SCARB1: variants seen among roughly 807,000 people sequenced by gnomAD.
SCARB1 encodes CD36 and LIMPII analogous 1.
Under a neutral mutation model 57.2 loss-of-function variants are expected in SCARB1, and 30 were observed. That is an observed-to-expected ratio of 0.52 (90% confidence interval 0.39 to 0.71). The LOEUF (loss-of-function observed/expected upper bound fraction) is 0.71. SCARB1 is among the 30% of genes least tolerant of loss of function. The pLI is 0.00. For missense variants in SCARB1, 543 were observed against 671.2 expected (o/e 0.81, Z 2.11); for synonymous variants, 249 against 268.3 (o/e 0.93, Z 0.70).
At chr12:124,859,417 G>A (rs563295242) in intron 1 of SCARB1, among the ~76,000 whole-genome samples, 1 of 152,216 alleles carries the variant, frequency 6.6e-6, no homozygotes, top group East Asian at 1.9e-4. Context: ...TGCAGTCCCA[G>A]CTCCTCAGGA....
chr12:124,778,646 T>TGGC, intron 12 of SCARB1, 60 bp from the exon 13 acceptor site: 3 of 1,337,798 alleles, frequency 2.2e-6, no homozygotes, highest in Non-Finnish European at 2.9e-6. Flanking sequence ...CCCACCCTCA[T>TGGC]CCCCGCCCAC....
intron 11 of SCARB1, chr12:124,786,044 T>C: frequency 6.6e-7 from 1 of 1,505,002 alleles, no homozygotes. Flanking sequence ...GAACCTGGCA[T>C]CCCCGGGTGC....
At chr12:124,859,707 C>T (rs1952805455) in intron 1 of SCARB1, among the ~76,000 whole-genome samples, 1 of 152,122 alleles carries the variant, frequency 6.6e-6, no homozygotes, top group African/African-American at 2.4e-5. Flanking sequence ...CGGTGGTTCA[C>T]ACCTATCATC....
intron 7 of SCARB1, among the ~76,000 whole-genome samples, chr12:124,804,676 C>T (rs771044862): frequency 1.3e-5 from 2 of 152,238 alleles, no homozygotes; most frequent in African/African-American, 2.4e-5. Context: ...GCCCCAGCTC[C>T]AAACCATTCA....
chr12:124,799,986 T>G (rs1023504206), intron 8 of SCARB1, 138 bp downstream of exon 8: 27 of 729,352 alleles, frequency 3.7e-5, no homozygotes, highest in Non-Finnish European at 6.2e-5. Flanking sequence ...GTAAGGAACT[T>G]TGGTGGCTCG....
chr12:124,849,891 CT>C (rs1197820755), intron 1 of SCARB1, among the ~76,000 whole-genome samples: 20,883 of 112,934 alleles, frequency 0.18, 2,860 homozygotes, highest in Non-Finnish European at 0.21. Flanking sequence ...AGCAAGACCC[CT>C]GTCTCTACAA....
intron 1 of SCARB1, among the ~76,000 whole-genome samples, chr12:124,841,423 A>C (rs1951905933): frequency 6.7e-6 from 1 of 150,336 alleles, no homozygotes; most frequent in South Asian, 2.1e-4. Flanking sequence ...CGGAGGTTGC[A>C]GTGAGCTGAT....
At chr12:124,795,507 C>T (rs1949913960) in intron 8 of SCARB1, among the ~76,000 whole-genome samples, 1 of 152,168 alleles carries the variant, frequency 6.6e-6, no homozygotes, top group Non-Finnish European at 1.5e-5. Context: ...GAAACAAGTG[C>T]TTCCCACACA....
At chr12:124,786,266 C>G (rs779527795) in intron 11 of SCARB1, 91 bp downstream of exon 11, 1 of 1,600,820 alleles carries the variant, frequency 6.2e-7, no homozygotes, top group South Asian at 1.1e-5. Flanking sequence ...CTCCAGGCTG[C>G]GGTTGGCCAG....
chr12:124,826,595 C>T (rs1288143023), intron 1 of SCARB1, among the ~76,000 whole-genome samples: 1 of 152,074 alleles, frequency 6.6e-6, no homozygotes, highest in Non-Finnish European at 1.5e-5. Flanking sequence ...AAGGCACATA[C>T]CACCACGCCC....
chr12:124,860,246 T>A (rs565435039), intron 1 of SCARB1, among the ~76,000 whole-genome samples: 1 of 152,330 alleles, frequency 6.6e-6, no homozygotes, highest in South Asian at 2.1e-4. Flanking sequence ...ATCCAAGTTC[T>A]GTGAAAAGGA....
At chr12:124,849,453 C>A (rs1377458931) in intron 1 of SCARB1, among the ~76,000 whole-genome samples, 1 of 152,202 alleles carries the variant, frequency 6.6e-6, no homozygotes, top group Non-Finnish European at 1.5e-5. Flanking sequence ...CCAGTCCTGC[C>A]GCCAGGATGT....
intron 4 of SCARB1, among the ~76,000 whole-genome samples, chr12:124,813,353 G>C (rs1950589206): frequency 6.6e-6 from 1 of 152,118 alleles, no homozygotes; most frequent in African/African-American, 2.4e-5. Context: ...CAGCCAACTT[G>C]GACAATGAGG....
intron 1 of SCARB1, among the ~76,000 whole-genome samples, chr12:124,843,269 G>T: frequency 7.5e-6 from 1 of 133,490 alleles, no homozygotes; most frequent in Non-Finnish European, 1.6e-5. Flanking sequence ...TTTTGTTTTT[G>T]TTTCTTACTT....
intron 5 of SCARB1, among the ~76,000 whole-genome samples, chr12:124,811,024 T>C (rs985179153): frequency 2.0e-5 from 3 of 152,116 alleles, no homozygotes; most frequent in African/African-American, 4.8e-5. Context: ...TTCACACATA[T>C]TGAGAAAAGG....
chr12:124,811,851 C>T lies in SCARB1; in HGVS notation c.726+19G>A. 1.3e-6 allele frequency: 2 copies of T among 1,585,566 alleles called. No individual in the cohort carries two copies. Among genetic ancestry groups the T allele is most frequent in the South Asian group, 1.1e-5 (1 of 88,244 alleles). On this transcript the variant is annotated intron_variant, in intron 5 of 12. Coordinates refer to ENST00000261693, the MANE Select transcript of SCARB1 (RefSeq NM_005505.5). ...TCCCCTCTCCCTGGCGACAGGGGCC[C>T]TCGCCTCTCGCCCCTCACCTTGCTC...
intron 1 of SCARB1, among the ~76,000 whole-genome samples, chr12:124,863,051 G>T (rs543029049): frequency 1.1e-4 from 16 of 152,312 alleles, no homozygotes; most frequent in African/African-American, 3.8e-4. Flanking sequence ...GGTTCCTATG[G>T]GGAGATTCTG....
chr12:124,861,502 G>C (rs1013736903), intron 1 of SCARB1, among the ~76,000 whole-genome samples: 1 of 151,978 alleles, frequency 6.6e-6, no homozygotes, highest in Non-Finnish European at 1.5e-5. Flanking sequence ...AAAGCACAAG[G>C]CCTCCCATTC....
At chr12:124,857,696 G>A (rs369124978) in intron 1 of SCARB1, among the ~76,000 whole-genome samples, 27 of 152,330 alleles carry the variant, frequency 1.8e-4, no homozygotes, top group African/African-American at 3.6e-4. Flanking sequence ...AAAGATGACC[G>A]AAGGTTTTTG....
Sources: allele counts gnomAD v4.1 joint callset (sites outside exome capture counted in the v4.1 genomes callset), GRCh38; gene constraint gnomAD v4.1.1; transcripts MANE v1.5; gene names NCBI Gene and HGNC (gene_info 2026-07-23, HGNC 2026-07-21).